Variants in TRIP12 observed in about 807,000 individuals in gnomAD.
TRIP12 encodes the protein thyroid hormone receptor interactor 12.
Under a neutral mutation model 244.2 loss-of-function variants are expected in TRIP12, and 25 were observed. The ratio of observed to expected loss-of-function variants is 0.10; its 90% CI spans 0.07 to 0.14. TRIP12 has a LOEUF of 0.14. TRIP12 is among the 10% of genes least tolerant of loss of function. The pLI is 1.00. For synonymous variants in TRIP12, 905 were observed against 873.1 expected (o/e 1.04, Z -0.64); for missense variants, 1,677 against 2,486.4 (o/e 0.67, Z 6.92).
chr2:229,877,371 A>G (rs2063794209), intron 2 of TRIP12, among the ~76,000 whole-genome samples: 1 of 151,990 alleles, frequency 6.6e-6, no homozygotes, highest in Non-Finnish European at 1.5e-5. Flanking sequence ...CTCTACTAAA[A>G]ACACAAAAAT....
At chr2:229,791,649 A>T in intron 29 of TRIP12, 1 of 568,648 alleles carries the variant, frequency 1.8e-6, no homozygotes. Flanking sequence ...AACCATGATT[A>T]CTGTCCATGG....
rs540712794 is a variant in TRIP12, at chr2:229,839,130, C to T, written c.1133+1692G>A. ...CCGTGGTCCTGCAAGATTATTAATA[C>T]CCTATTTTTACTGTACCTTTTCTAT... is the stretch of plus-strand genomic sequence containing the variant. On this transcript the variant is annotated intron_variant, in intron 5 of 41. Transcript: ENST00000675903. Among the ~76,000 whole-genome samples, 26 of 152,300 alleles carry T rather than the reference C, an allele frequency of 1.7e-4. No homozygotes were observed. The South Asian group carries it at 5.0e-3, about 29-fold the overall frequency.
intron 1 of TRIP12, among the ~76,000 whole-genome samples, chr2:229,907,395 C>T (rs540719074): frequency 2.0e-5 from 3 of 152,282 alleles, no homozygotes; most frequent in East Asian, 1.9e-4. Context: ...CCATAACACT[C>T]GCAATGATCT....
In TRIP12 at chr2:229,786,668, C is replaced by T. The variant is rs190160766; in HGVS notation, c.4996-813G>A. On this transcript the variant is annotated intron_variant, in intron 33 of 41. Coordinates refer to ENST00000675903, the MANE Select transcript of TRIP12 (RefSeq NM_001348323.3). ...TCCTGACCTCATGATCCGCCCGCCT[C>T]GGCCTCCCAAAGTGCTGGGATTACA... 4.2e-3 allele frequency among the ~76,000 whole-genome samples: 636 copies of T among 149,670 alleles called. 2 individuals are homozygous for T. The highest frequency in any genetic ancestry group is 0.015 in the African/African-American group (610 of 40,720).
chr2:229,868,342 C>T (rs1393307656), intron 2 of TRIP12, among the ~76,000 whole-genome samples: 1 of 152,144 alleles, frequency 6.6e-6, no homozygotes, highest in Admixed American at 6.5e-5. Flanking sequence ...GCTGGGACTA[C>T]AGACACTTAC....
chr2:229,820,311 C>T (rs1287181225), intron 8 of TRIP12, among the ~76,000 whole-genome samples: 4 of 151,980 alleles, frequency 2.6e-5, no homozygotes, highest in African/African-American at 9.7e-5. Flanking sequence ...AAATTATCAT[C>T]AATACCAATA....
chr2:229,909,541 G>A (rs1326556427), intron 1 of TRIP12, among the ~76,000 whole-genome samples: 1 of 150,796 alleles, frequency 6.6e-6, no homozygotes, highest in Admixed American at 6.6e-5. Context: ...CTAGGTGACA[G>A]CGTTGAGACC....
chr2:229,778,928 T>C lies in TRIP12; in HGVS notation c.5157A>G (p.Arg1719=), dbSNP rs1302605382. 13 of 1,613,920 alleles carry C rather than the reference T, an allele frequency of 8.1e-6. No individual in the cohort carries two copies. The highest frequency in any genetic ancestry group is 1.0e-5 in the Non-Finnish European group (12 of 1,179,846). Residue 1719 remains arginine, a synonymous_variant, in exon 35 of 42, where the codon AGA becomes AGG. Transcript: ENST00000675903. This position sits in a 1 kb window ranked among gnomAD's most constrained non-coding sequence, Gnocchi z 4.1. ...CACCTCTCCAAAGACCCAAGTCAGC[T>C]CTCTGTAGTTCCTGAGATACAAGCG... ...FYALVSQELQ[R]ADLGLWRGEE...
In TRIP12 at chr2:229,765,996, T is replaced by C. The variant is rs1316469821; in HGVS notation, c.*1558A>G. ...AAGTGTAAATTGACACAGCAATCTA[T>C]GTCAAACAAGCCACTGAGTTTCTTT... is the stretch of plus-strand genomic sequence containing the variant. On this transcript the variant is annotated 3_prime_UTR_variant, in exon 42 of 42. Coordinates refer to ENST00000675903, the MANE Select transcript of TRIP12 (RefSeq NM_001348323.3). 2 of 152,106 alleles carry C rather than the reference T, an allele frequency of 1.3e-5. No individual in the cohort carries two copies. Among genetic ancestry groups the C allele is most frequent in the Non-Finnish European group, 2.9e-5 (2 of 68,020 alleles). 9.4% of individuals were successfully genotyped at this position (152,106 alleles called of 1,614,324 possible).
Position 229,783,591 on chromosome 2 carries a change from A to G in TRIP12, c.5094+2166T>C, listed in dbSNP as rs537013435. ...GAGCGAAACAAAATATGTGCAAGAA[A>G]GACCTCTAGATGTAAATAATGAAAA... On this transcript the variant is annotated intron_variant, in intron 34 of 41. Transcript: ENST00000675903. Among the ~76,000 whole-genome samples, 11 of 152,304 alleles carry G rather than the reference A, an allele frequency of 7.2e-5. No homozygotes were observed. The South Asian group carries it at 1.9e-3, about 26-fold the overall frequency.
At chr2:229,894,329 T>A (rs1268228428) in intron 1 of TRIP12, 1 of 152,084 alleles carries the variant, frequency 6.6e-6, no homozygotes, top group Non-Finnish European at 1.5e-5. Context: ...TCAAGCTTTT[T>A]AAAAAAAGTC....
intron 13 of TRIP12, 103 bp downstream of exon 13, chr2:229,813,767 G>C (rs1333359055): frequency 1.5e-5 from 13 of 840,410 alleles, no homozygotes; most frequent in South Asian, 5.9e-5. Context: ...CTGGGTAACA[G>C]AGCGAGACTC....
rs189181022 is a variant in TRIP12, at chr2:229,849,622, G to A, written c.1028-8695C>T. The stretch of plus-strand genomic sequence containing the variant: ...TCATGCCTATAATCCAAGCACTTTC[G>A]GAGGCCTAGATAGGAGGATCGCTTG... On this transcript the variant is annotated intron_variant, in intron 4 of 41. Transcript: ENST00000675903. Among the ~76,000 whole-genome samples, 289 of 152,092 alleles carry A rather than the reference G, an allele frequency of 1.9e-3. 1 individual carries two copies. Among genetic ancestry groups the A allele is most frequent in the African/African-American group, 5.5e-3 (228 of 41,476 alleles).
In TRIP12 at chr2:229,859,037, G is replaced by T. The variant is rs752229052; in HGVS notation, c.762C>A (p.Ala254=). Residue 254 remains alanine, a synonymous_variant, in exon 4 of 42, where the codon GCC becomes GCA. Coordinates refer to ENST00000675903, the MANE Select transcript of TRIP12 (RefSeq NM_001348323.3). ...TSSSSSAVAS[A]SSTVPPGARV... is the part of the protein sequence containing the mutation. Reference sequence around the variant, plus strand: ...TGGCACCTGGTGGTACAGTGGAGGAGGCCGAGGCTACAGCAGAAGACGAGG... The same window carrying T: ...TGGCACCTGGTGGTACAGTGGAGGATGCCGAGGCTACAGCAGAAGACGAGG... 8 of 1,614,188 alleles carry T rather than the reference G, an allele frequency of 5.0e-6. No homozygotes were observed. The South Asian group carries it at 8.8e-5, about 18-fold the overall frequency.
At chr2:229,914,751 T>C (rs1308166202) in intron 1 of TRIP12, among the ~76,000 whole-genome samples, 1 of 152,156 alleles carries the variant, frequency 6.6e-6, no homozygotes, top group Non-Finnish European at 1.5e-5. Flanking sequence ...ACAAGTTGAT[T>C]AAAATACACA....
At chr2:229,917,636 T>C (rs112496529) in intron 1 of TRIP12, among the ~76,000 whole-genome samples, 1 of 152,022 alleles carries the variant, frequency 6.6e-6, no homozygotes, top group Admixed American at 6.6e-5. Flanking sequence ...GGCACTCTAA[T>C]GGCACGTTAG....
chr2:229,807,777 C>G lies in TRIP12; in HGVS notation c.2427G>C (p.Ala809=), dbSNP rs755441906. 1.4e-5 allele frequency: 22 copies of G among 1,614,026 alleles called. No homozygotes were observed. The highest frequency in any genetic ancestry group is 2.7e-5 in the African/African-American group (2 of 74,920). ...CCCGATCATCACGCCACTGCCATAT[C>G]GCACCATCTGTGTTCTGTGCATTTC... ...KKGNAQNTDG[A]IWQWRDDRGL... The change falls in exon 17 of 42, where the codon GCG becomes GCC. Residue 809 remains alanine, a synonymous_variant. Transcript: ENST00000675903.
chr2:229,791,354 G>C, intron 29 of TRIP12, 103 bp from the exon 30 acceptor site: 1 of 1,303,702 alleles, frequency 7.7e-7, no homozygotes, highest in South Asian at 1.3e-5. Context: ...ACTGTTCTGA[G>C]ATCTATTCTC....
At chr2:229,808,671 C>G (rs892076557) in intron 15 of TRIP12, among the ~76,000 whole-genome samples, 8 of 152,208 alleles carry the variant, frequency 5.3e-5, no homozygotes, top group African/African-American at 1.9e-4. Flanking sequence ...CCTTGAGAAG[C>G]ATCGTACTTT....
Sources: allele counts gnomAD v4.1 joint callset (sites outside exome capture counted in the v4.1 genomes callset), GRCh38; gene constraint gnomAD v4.1.1; non-coding constraint Gnocchi (gnomAD v3.1); transcripts MANE v1.5; gene names NCBI Gene and HGNC (gene_info 2026-07-23, HGNC 2026-07-21).